Variants in TBCA observed in about 807,000 individuals in gnomAD.
The protein encoded by TBCA is tubulin folding cofactor A, also known as tubulin-specific chaperone A.
TBCA carries 6 observed loss-of-function variants against 15.8 expected under a neutral mutation model. The observed-to-expected ratio is 0.38, with a 90% CI of 0.21 to 0.75. The LOEUF is 0.75. Ranked by LOEUF, TBCA falls within the 30% of genes least tolerant of loss-of-function variation. TBCA has a pLI of 0.46. For missense variants in TBCA, 90 were observed against 131.2 expected (o/e 0.69, Z 1.53); for synonymous variants, 32 against 42.3 (o/e 0.76, Z 0.94).
In TBCA at chr5:77,758,550, C is replaced by T. The variant is rs146807511; in HGVS notation, c.53+17655G>A. ...GACAGTAGCTTGCCGATGCTCCCAG[C>T]TGAATAAAGCCCTTCCTTCTACAAC... is the stretch of plus-strand genomic sequence containing the variant. On this transcript the variant is annotated intron_variant, in intron 1 of 3. Coordinates refer to ENST00000380377, the MANE Select transcript of TBCA (RefSeq NM_004607.3). Among the ~76,000 whole-genome samples, 513 of 152,322 alleles carry T rather than the reference C, an allele frequency of 3.4e-3. 2 individuals carry two copies. The highest frequency in any genetic ancestry group is 0.012 in the African/African-American group (485 of 41,566).
chr5:77,719,462 T>G (rs1746480363), intron 1 of TBCA, among the ~76,000 whole-genome samples: 1 of 152,204 alleles, frequency 6.6e-6, no homozygotes, highest in Non-Finnish European at 1.5e-5. Flanking sequence ...AAGCAACATG[T>G]TCTCAATTTC....
At chr5:77,753,302 CCTTA>C (rs1221330818) in intron 1 of TBCA, among the ~76,000 whole-genome samples, 1 of 152,108 alleles carries the variant, frequency 6.6e-6, no homozygotes, top group Non-Finnish European at 1.5e-5. Context: ...AATGGCAAGC[CCTTA>C]CTTTTCTTTA....
chr5:77,770,177 C>T lies in TBCA; in HGVS notation c.53+6028G>A, dbSNP rs1397518591. ...TATGAACACAAATCCCACTTGGAAA[C>T]TTTTTTGGTGCAGATAAGTCACTTA... On this transcript the variant is annotated intron_variant, in intron 1 of 3. Coordinates refer to ENST00000380377, the MANE Select transcript of TBCA (RefSeq NM_004607.3). Among the ~76,000 whole-genome samples the T allele has an allele frequency of 9.9e-5, 15 of 152,202 alleles. No individual in the cohort carries two copies. The East Asian group carries it at 1.7e-3, about 18-fold the overall frequency.
rs1038489874 is a variant in TBCA at position 77,693,132 on chromosome 5, A to C, written c.246+134T>G. On this transcript the variant is annotated intron_variant, in intron 3 of 3. Coordinates refer to ENST00000380377, the MANE Select transcript of TBCA (RefSeq NM_004607.3). Reference sequence around the variant, plus strand: ...TTTAAACTCCATTAATTATTTTAAAATATAGCGGTATAAAGGGCAAGTGAA... The same window carrying C: ...TTTAAACTCCATTAATTATTTTAAACTATAGCGGTATAAAGGGCAAGTGAA... 3 of 1,511,270 alleles carry C rather than the reference A, an allele frequency of 2.0e-6. No individual in the cohort carries two copies. In the African/African-American group the frequency reaches 4.2e-5, roughly 21 times the overall value. 93.6% of individuals were successfully genotyped at this position (1,511,270 alleles called of 1,614,324 possible).
At chr5:77,761,381 T>C (rs1334976161) in intron 1 of TBCA, among the ~76,000 whole-genome samples, 1 of 152,058 alleles carries the variant, frequency 6.6e-6, no homozygotes, top group Non-Finnish European at 1.5e-5. Flanking sequence ...CAACTCAGGG[T>C]TAAATGGATT....
chr5:77,711,061 C>A (rs941795600), intron 1 of TBCA, among the ~76,000 whole-genome samples: 14 of 152,056 alleles, frequency 9.2e-5, no homozygotes, highest in African/African-American at 2.9e-4. Context: ...GGCCAGGGAG[C>A]CAAATCTGGT....
chr5:77,725,258 T>G (rs1056915842), intron 1 of TBCA, among the ~76,000 whole-genome samples: 1 of 152,168 alleles, frequency 6.6e-6, no homozygotes, highest in African/African-American at 2.4e-5. Flanking sequence ...ATTCTACTAA[T>G]CTCCTGTCTT....
intron 1 of TBCA, among the ~76,000 whole-genome samples, chr5:77,755,625 C>T (rs1439598932): frequency 2.6e-5 from 4 of 151,972 alleles, no homozygotes; most frequent in Non-Finnish European, 4.4e-5. Flanking sequence ...TGCACAAGAA[C>T]AGACCTAATA....
chr5:77,729,397 A>T (rs1167085554), intron 1 of TBCA, among the ~76,000 whole-genome samples: 1 of 152,132 alleles, frequency 6.6e-6, no homozygotes, highest in Admixed American at 6.6e-5. Context: ...TGATAGGCAG[A>T]CCTATATAAA....
At chr5:77,745,048 A>G (rs352580) in intron 1 of TBCA, among the ~76,000 whole-genome samples, 74,295 of 151,976 alleles carry the variant, frequency 0.49, 18,309 homozygotes, top group South Asian at 0.52. Flanking sequence ...ATATTGTGAA[A>G]GTTAAATGAC....
At chr5:77,697,830 A>G (rs902393051) in intron 2 of TBCA, among the ~76,000 whole-genome samples, 1 of 152,166 alleles carries the variant, frequency 6.6e-6, no homozygotes, top group Non-Finnish European at 1.5e-5. Context: ...AAACTGTATG[A>G]AACAAAAAGC....
intron 1 of TBCA, among the ~76,000 whole-genome samples, chr5:77,775,322 G>T (rs989968573): frequency 6.6e-6 from 1 of 152,172 alleles, no homozygotes; most frequent in African/African-American, 2.4e-5. Flanking sequence ...TCAAAAGAAT[G>T]CAACCATTTG....
chr5:77,691,895 T>A (rs546612837), intron 3 of TBCA: 1 of 990,268 alleles, frequency 1.0e-6, no homozygotes, highest in South Asian at 4.6e-5. Context: ...GCCAAAATAA[T>A]CCACTGACTA....
At chr5:77,706,379 G>A (rs1297348210) in intron 2 of TBCA, among the ~76,000 whole-genome samples, 4 of 152,140 alleles carry the variant, frequency 2.6e-5, no homozygotes, top group African/African-American at 7.2e-5. Context: ...TTGTTGTGGT[G>A]GGGAAGGAAT....
chr5:77,702,635 A>G (rs1482646806), intron 2 of TBCA, among the ~76,000 whole-genome samples: 1 of 152,212 alleles, frequency 6.6e-6, no homozygotes, highest in Non-Finnish European at 1.5e-5. Flanking sequence ...TGCAGGTATA[A>G]CTAGTGAAAT....
intron 1 of TBCA, among the ~76,000 whole-genome samples, chr5:77,732,117 C>T (rs749411344): frequency 9.2e-5 from 14 of 152,042 alleles, no homozygotes; most frequent in Non-Finnish European, 1.5e-4. Context: ...TATCTGGTGT[C>T]AAAAAATGAA....
Position 77,691,308 on chromosome 5 carries a change from A to G in TBCA, c.*110T>C. 1 of 839,728 alleles carries G rather than the reference A, an allele frequency of 1.2e-6. No homozygotes were observed. Among genetic ancestry groups the G allele is most frequent in the African/African-American group, 1.8e-5 (1 of 56,396 alleles). The allele number at this position is 839,728 out of a possible 1,614,324, so 52.0% of individuals were successfully genotyped here. A position where few individuals can be genotyped will look rare whatever the true frequency, so the allele number is the denominator to read the frequency against. On this transcript the variant is annotated 3_prime_UTR_variant, in exon 4 of 4. Coordinates refer to ENST00000380377, the MANE Select transcript of TBCA (RefSeq NM_004607.3). ...AAAGAAATATATATGTAACCAGATA[A>G]AAACAATCACATTCTCATACTACTT...
intron 1 of TBCA, among the ~76,000 whole-genome samples, chr5:77,758,228 A>G (rs1268317175): frequency 6.6e-6 from 1 of 152,204 alleles, no homozygotes; most frequent in African/African-American, 2.4e-5. Context: ...AAAAAACAAG[A>G]AAGTGAAATC....
At chr5:77,698,302 G>T (rs983964692) in intron 2 of TBCA, among the ~76,000 whole-genome samples, 4 of 151,940 alleles carry the variant, frequency 2.6e-5, no homozygotes, top group African/African-American at 9.7e-5. Flanking sequence ...GGAGAAGAAA[G>T]AAATAATATA....
Sources: gnomAD v4.1 joint callset for allele counts (sites outside exome capture counted in the v4.1 genomes callset) on GRCh38, gnomAD v4.1.1 for gene constraint, MANE v1.5 for transcripts, NCBI Gene and HGNC (gene_info 2026-07-23, HGNC 2026-07-21) for gene names.